The following ATP9A variants were observed in gnomAD, a reference collection of about 807,000 sequenced individuals.
The protein encoded by ATP9A is ATPase phospholipid transporting 9A, also known as probable phospholipid-transporting ATPase IIA.
In ATP9A, 52 loss-of-function variants were observed where a neutral mutation model predicts 144.1. The ratio of observed to expected loss-of-function variants is 0.36; its 90% confidence interval spans 0.29 to 0.45. The LOEUF (loss-of-function observed/expected upper bound fraction) is 0.45. Among genes scored for constraint, ATP9A ranks in the 20% least tolerant of loss-of-function variants. ATP9A has a pLI of 1.00. For missense variants in ATP9A, 947 were observed against 1,392.7 expected, an observed-to-expected ratio of 0.68 and a Z score of 5.09; for synonymous variants, 582 against 557.4, an observed-to-expected ratio of 1.04 and a Z score of -0.62.
intron 1 of ATP9A, among the ~76,000 whole-genome samples, chr20:51,765,435 A>C (rs1054594284): frequency 1.3e-5 from 2 of 152,052 alleles, no homozygotes; most frequent in African/African-American, 2.4e-5. Flanking sequence ...TGGGTGGATC[A>C]CCTGAGGTAA....
chr20:51,667,831 G>A (rs1345094131), intron 13 of ATP9A, among the ~76,000 whole-genome samples: 1 of 151,626 alleles, frequency 6.6e-6, no homozygotes, highest in Non-Finnish European at 1.5e-5. Context: ...GGGAGGTGAG[G>A]CGATCACTTG....
chr20:51,693,961 G>T (rs761289772), intron 7 of ATP9A, 47 bp downstream of exon 7: 2 of 1,547,534 alleles, frequency 1.3e-6, no homozygotes, highest in Non-Finnish European at 1.8e-6. Context: ...TGAGAACCCT[G>T]CTAAGATAGG....
intron 4 of ATP9A, among the ~76,000 whole-genome samples, chr20:51,699,789 C>T (rs906351954): frequency 5.9e-5 from 9 of 152,104 alleles, no homozygotes; most frequent in South Asian, 2.1e-4. Context: ...ACTACAGGCA[C>T]CCACCACCAA....
intron 1 of ATP9A, among the ~76,000 whole-genome samples, chr20:51,745,342 G>A (rs1380323509): frequency 2.6e-5 from 4 of 151,770 alleles, no homozygotes; most frequent in African/African-American, 9.7e-5. Context: ...GACTGAGGCA[G>A]GAGAATCGCT....
At chr20:51,671,304 C>T (rs2077455016) in intron 11 of ATP9A, 47 bp from the exon 12 acceptor site, 2 of 1,583,714 alleles carry the variant, frequency 1.3e-6, no homozygotes, top group Non-Finnish European at 1.7e-6. Context: ...AGATGTAAGG[C>T]TCCTTGTATC....
chr20:51,701,096 T>C (rs549052255), intron 4 of ATP9A, among the ~76,000 whole-genome samples: 3 of 152,218 alleles, frequency 2.0e-5, no homozygotes, highest in Admixed American at 6.5e-5. Flanking sequence ...AATTTACACA[T>C]TGTCTTTGGT....
chr20:51,721,462 G>T (rs1243048830), intron 3 of ATP9A, among the ~76,000 whole-genome samples: 1 of 152,026 alleles, frequency 6.6e-6, no homozygotes, highest in Non-Finnish European at 1.5e-5. Flanking sequence ...TCTACACAAA[G>T]CTTTAAAATT....
intron 24 of ATP9A, 104 bp downstream of exon 24, chr20:51,609,997 T>C (rs893324892): frequency 6.0e-6 from 6 of 992,248 alleles, no homozygotes; most frequent in South Asian, 1.4e-5. Flanking sequence ...GGGAATCCAA[T>C]GTGGCTTGGG....
intron 1 of ATP9A, among the ~76,000 whole-genome samples, chr20:51,755,440 A>C (rs1286637091): frequency 6.7e-6 from 1 of 148,392 alleles, no homozygotes; most frequent in Non-Finnish European, 1.5e-5. Context: ...ATCTCAATTA[A>C]AAAAAAAAAA....
At chr20:51,690,109 CAAAAAAAAAAAAAA>C (rs796336088) in intron 8 of ATP9A, among the ~76,000 whole-genome samples, 22 of 59,908 alleles carry the variant, frequency 3.7e-4, no homozygotes, top group East Asian at 3.3e-3. Flanking sequence ...GAGACCGTCT[CAAAAAAAAAAAAAA>C]AAAAAAAAAA....
chr20:51,750,068 T>C (rs897966057), intron 1 of ATP9A, among the ~76,000 whole-genome samples: 1 of 152,058 alleles, frequency 6.6e-6, no homozygotes, highest in African/African-American at 2.4e-5. Context: ...GGCGGGAGAA[T>C]TGCTTCAACC....
chr20:51,639,715 T>C (rs1242123527), intron 14 of ATP9A, among the ~76,000 whole-genome samples: 1 of 152,116 alleles, frequency 6.6e-6, no homozygotes, highest in Admixed American at 6.5e-5. Flanking sequence ...TGCCCCTCTA[T>C]AAGGCACAAT....
chr20:51,662,808 C>A (rs1167045158), intron 13 of ATP9A, among the ~76,000 whole-genome samples: 1 of 152,036 alleles, frequency 6.6e-6, no homozygotes, highest in Non-Finnish European at 1.5e-5. Flanking sequence ...CAGTGGCTCA[C>A]ACCTGTAATC....
intron 14 of ATP9A, among the ~76,000 whole-genome samples, chr20:51,640,511 C>T (rs1277896967): frequency 6.6e-6 from 1 of 152,184 alleles, no homozygotes; most frequent in Non-Finnish European, 1.5e-5. Flanking sequence ...AGGCTCAGAG[C>T]AGTTAATGAA....
At chr20:51,606,125 T>C (rs112507736) in intron 26 of ATP9A, among the ~76,000 whole-genome samples, 6 of 151,038 alleles carry the variant, frequency 4.0e-5, no homozygotes, top group African/African-American at 1.5e-4. Context: ...TAAAATTAGG[T>C]GGGCGCCTGT....
At chr20:51,729,789 T>C in intron 2 of ATP9A, 45 bp downstream of exon 2, 1 of 1,511,266 alleles carries the variant, frequency 6.6e-7, no homozygotes, top group Non-Finnish European at 8.8e-7. Context: ...ATGCATGTAT[T>C]TGTGATGGAA....
rs529122911 is a variant in ATP9A, at chr20:51,612,425, TTTG to T, written c.2571+1249_2571+1251del. 1.4e-3 allele frequency among the ~76,000 whole-genome samples: 214 copies of T among 152,208 alleles called. 1 individual carries two copies. Among genetic ancestry groups the T allele is most frequent in the African/African-American group, 5.0e-3 (206 of 41,538 alleles). On this transcript the variant is annotated intron_variant, in intron 23 of 27. Coordinates refer to ENST00000338821, the MANE Select transcript of ATP9A (RefSeq NM_006045.3). ...TAATTGCTACAGACTGATGGCAAAT[TTTG>T]TTGTTGTTGTTTTTGAGATGGAGTC...
Position 51,765,442 on chromosome 20 carries a change from G to T in ATP9A, c.68+2860C>A, listed in dbSNP as rs374451319. 5.9e-5 allele frequency among the ~76,000 whole-genome samples: 9 copies of T among 152,030 alleles called. No homozygotes were observed. The East Asian group carries it at 1.5e-3, about 26-fold the overall frequency. On this transcript the variant is annotated intron_variant, in intron 1 of 27. Transcript: ENST00000338821. ...GGCCAAGGTGGGTGGATCACCTGAG[G>T]TAAGGAGTTCGAGACCAGCCTGACC...
chr20:51,670,967 C>A, intron 12 of ATP9A, 148 bp downstream of exon 12: 1 of 957,894 alleles, frequency 1.0e-6, no homozygotes, highest in Non-Finnish European at 1.5e-6. Context: ...TCTTCATCAC[C>A]AAAGAATCTT....
Sources: gnomAD v4.1 joint callset for allele counts (sites outside exome capture counted in the v4.1 genomes callset) on GRCh38, gnomAD v4.1.1 for gene constraint, MANE v1.5 for transcripts, NCBI Gene and HGNC (gene_info 2026-07-23, HGNC 2026-07-21) for gene names.